RSU1: variants seen among roughly 807,000 people sequenced by gnomAD.
The protein encoded by RSU1 is rsu-1.
Under a neutral mutation model 31.1 loss-of-function variants are expected in RSU1, and 26 were observed. That is an observed-to-expected ratio of 0.84 (90% confidence interval 0.61 to 1.16). The LOEUF (loss-of-function observed/expected upper bound fraction) is 1.16, where lower values mean the gene tolerates loss of function less well. Ranked by LOEUF, RSU1 falls within the 50% of genes most tolerant of loss-of-function variation. RSU1 has a pLI of 0.00. For missense variants in RSU1, 320 were observed against 339.1 expected, an observed-to-expected ratio of 0.94 and a Z score of 0.44; for synonymous variants, 164 against 136.3, an observed-to-expected ratio of 1.20 and a Z score of -1.41.
intron 3 of RSU1, among the ~76,000 whole-genome samples, chr10:16,778,238 G>A (rs911774350): frequency 4.6e-5 from 7 of 151,870 alleles, no homozygotes; most frequent in East Asian, 3.9e-4. Context: ...AGAGCATCAC[G>A]CTCTACCATG....
chr10:16,713,565 T>G (rs1418148158), intron 7 of RSU1, among the ~76,000 whole-genome samples: 2 of 152,214 alleles, frequency 1.3e-5, no homozygotes. Flanking sequence ...TTATCTTTGT[T>G]GCATTTCTCA....
intron 8 of RSU1, among the ~76,000 whole-genome samples, chr10:16,694,721 C>T (rs898839574): frequency 6.6e-6 from 1 of 152,076 alleles, no homozygotes; most frequent in East Asian, 1.9e-4. Flanking sequence ...CAAGCATGCA[C>T]TACCATGCCT....
intron 7 of RSU1, among the ~76,000 whole-genome samples, chr10:16,734,673 T>A (rs948123123): frequency 6.6e-6 from 1 of 152,176 alleles, no homozygotes; most frequent in Non-Finnish European, 1.5e-5. Context: ...AATGATGACA[T>A]GAATAAGCAG....
At chr10:16,741,001 C>G (rs76155128) in intron 7 of RSU1, among the ~76,000 whole-genome samples, 259 of 152,196 alleles carry the variant, frequency 1.7e-3, no homozygotes, top group Non-Finnish European at 3.1e-3. Context: ...CTCAAAATAG[C>G]TAAAACAATC....
intron 8 of RSU1, among the ~76,000 whole-genome samples, chr10:16,687,910 C>T (rs1383026233): frequency 6.6e-6 from 1 of 151,906 alleles, no homozygotes; most frequent in Admixed American, 6.6e-5. Flanking sequence ...TCTGTACAGA[C>T]GAAGTCTCAC....
At chr10:16,758,006 G>A (rs1837133162) in intron 4 of RSU1, among the ~76,000 whole-genome samples, 1 of 152,176 alleles carries the variant, frequency 6.6e-6, no homozygotes, top group African/African-American at 2.4e-5. Context: ...AGCAAGCCTG[G>A]AGCCCCTCCA....
intron 4 of RSU1, among the ~76,000 whole-genome samples, chr10:16,756,861 G>T (rs759835629): frequency 6.9e-6 from 1 of 144,220 alleles, no homozygotes; most frequent in Non-Finnish European, 1.5e-5. Flanking sequence ...GATGTTATGT[G>T]TATGTGTATC....
At chr10:16,677,649 C>T (rs1056465741) in intron 8 of RSU1, among the ~76,000 whole-genome samples, 1 of 152,114 alleles carries the variant, frequency 6.6e-6, no homozygotes, top group African/African-American at 2.4e-5. Context: ...AATATTTTTA[C>T]TTTATGGCCA....
intron 8 of RSU1, among the ~76,000 whole-genome samples, chr10:16,617,666 C>G (rs1834000833): frequency 6.6e-6 from 1 of 152,106 alleles, no homozygotes; most frequent in Non-Finnish European, 1.5e-5. Context: ...AGAACAGAGA[C>G]CTCAGAAATA....
intron 7 of RSU1, chr10:16,748,206 TG>T (rs1836897357): frequency 6.6e-6 from 1 of 152,228 alleles, no homozygotes; most frequent in African/African-American, 2.4e-5. Flanking sequence ...CTGGATTTTA[TG>T]GAGCTAAAAT....
At chr10:16,810,092 A>G (rs558409062) in intron 2 of RSU1, among the ~76,000 whole-genome samples, 143 of 152,080 alleles carry the variant, frequency 9.4e-4, no homozygotes, top group Admixed American at 4.2e-3. Flanking sequence ...TTAGCGGAGC[A>G]TGGTAGCTGG....
chr10:16,614,553 A>G (rs959707140), intron 8 of RSU1, among the ~76,000 whole-genome samples: 1 of 152,176 alleles, frequency 6.6e-6, no homozygotes, highest in Non-Finnish European at 1.5e-5. Context: ...AAGGATAGAT[A>G]CCCAATATAC....
chr10:16,792,235 A>G (rs1182544712), intron 2 of RSU1, among the ~76,000 whole-genome samples: 1 of 152,168 alleles, frequency 6.6e-6, no homozygotes, highest in Non-Finnish European at 1.5e-5. Flanking sequence ...CAAAGGATTC[A>G]TCACTTTTTT....
Position 16,756,168 on chromosome 10 carries a change from T to C in RSU1, c.282-1179A>G, listed in dbSNP as rs1837080817. On this transcript the variant is annotated intron_variant, in intron 4 of 8. Transcript: ENST00000345264. ...AAATTATCTTCAATTAGAATGGTGA[T>C]GGCCAGGGGCTGGAGGGAGGGGGAA... Among the ~76,000 whole-genome samples, 4 of 152,262 alleles carry C rather than the reference T, an allele frequency of 2.6e-5. No individual in the cohort carries two copies. In the South Asian group the frequency reaches 8.3e-4, roughly 32 times the overall value.
At chr10:16,632,803 G>A (rs1195170042) in intron 8 of RSU1, among the ~76,000 whole-genome samples, 2 of 152,238 alleles carry the variant, frequency 1.3e-5, no homozygotes, top group Admixed American at 6.5e-5. Context: ...ATAGCTGGGT[G>A]TGGTGGTGCA....
At chr10:16,742,453 T>C (rs1348497184) in intron 7 of RSU1, among the ~76,000 whole-genome samples, 1 of 152,100 alleles carries the variant, frequency 6.6e-6, no homozygotes, top group Non-Finnish European at 1.5e-5. Flanking sequence ...CAATACCATT[T>C]GGGTCTGACT....
At chr10:16,641,516 G>A (rs943945838) in intron 8 of RSU1, among the ~76,000 whole-genome samples, 3 of 150,196 alleles carry the variant, frequency 2.0e-5, no homozygotes, top group African/African-American at 7.5e-5. Context: ...AAATTAAAAA[G>A]GTTATTCACA....
At chr10:16,694,947 A>G (rs1835642545) in intron 8 of RSU1, 76 bp downstream of exon 8, 3 of 1,367,422 alleles carry the variant, frequency 2.2e-6, no homozygotes. Flanking sequence ...ATACTGTCAC[A>G]TAATATTTTT....
At chr10:16,753,902 C>G (rs1221422763) in intron 5 of RSU1, among the ~76,000 whole-genome samples, 1 of 152,120 alleles carries the variant, frequency 6.6e-6, no homozygotes, top group Non-Finnish European at 1.5e-5. Context: ...AGATCACAGG[C>G]TCATGCTACT....
Sources: gnomAD v4.1 joint callset for allele counts (sites outside exome capture counted in the v4.1 genomes callset) on GRCh38, gnomAD v4.1.1 for gene constraint, MANE v1.5 for transcripts, NCBI Gene and HGNC (gene_info 2026-07-23, HGNC 2026-07-21) for gene names.